OR2C1: variants seen among roughly 807,000 people sequenced by gnomAD.
The protein encoded by OR2C1 is olfactory receptor family 2 subfamily C member 1.
For missense variants in OR2C1, 468 were observed against 388.3 expected (o/e 1.21, Z -1.73); for synonymous variants, 209 against 167.3 (o/e 1.25, Z -1.92).
chr16:3,348,911 C>T, the OR2C1 span, among the ~76,000 whole-genome samples: 1 of 151,940 alleles, frequency 6.6e-6, no homozygotes, highest in African/African-American at 2.4e-5. Flanking sequence ...TGGGACTCCC[C>T]CTCTCTGCCC....
the OR2C1 span, among the ~76,000 whole-genome samples, chr16:3,326,594 CA>C: frequency 9.4e-3 from 1,438 of 152,272 alleles, 32 homozygotes; most frequent in African/African-American, 0.033. Flanking sequence ...ATCCTGATTC[CA>C]TTTGGAGATC....
the OR2C1 span, among the ~76,000 whole-genome samples, chr16:3,347,434 G>A: frequency 1.1e-3 from 159 of 151,370 alleles, no homozygotes; most frequent in African/African-American, 3.7e-3. Context: ...GGTAATGCAG[G>A]TTTACTGTGA....
the OR2C1 span, among the ~76,000 whole-genome samples, chr16:3,328,061 A>G: frequency 2.0e-5 from 3 of 152,246 alleles, no homozygotes; most frequent in East Asian, 5.8e-4. Flanking sequence ...GCTTCCTTGT[A>G]ATGAGGAATT....
At chr16:3,334,140 T>A in the OR2C1 span, among the ~76,000 whole-genome samples, 106,616 of 141,684 alleles carry the variant, frequency 0.75, 38,510 homozygotes, top group South Asian at 0.82. Context: ...GCTTTGCTAA[T>A]TTTTTTTTTT....
chr16:3,333,955 C>T, the OR2C1 span, among the ~76,000 whole-genome samples: 1 of 151,758 alleles, frequency 6.6e-6, no homozygotes, highest in Non-Finnish European at 1.5e-5. Flanking sequence ...AAGAGATTGT[C>T]CTTTCCCCAT....
chr16:3,323,224 C>T, the OR2C1 span: 5 of 750,298 alleles, frequency 6.7e-6, no homozygotes, highest in African/African-American at 1.7e-5. Context: ...ATGCATTCAC[C>T]CCAATAGCCA....
At chr16:3,349,565 T>C in the OR2C1 span, among the ~76,000 whole-genome samples, 2 of 152,068 alleles carry the variant, frequency 1.3e-5, no homozygotes, top group African/African-American at 4.8e-5. Flanking sequence ...AGAGGATGGA[T>C]GTGGGGGAAT....
the OR2C1 span, among the ~76,000 whole-genome samples, chr16:3,342,439 C>T: frequency 7.2e-5 from 11 of 152,060 alleles, no homozygotes; most frequent in Non-Finnish European, 1.0e-4. Context: ...GCAAATGGGC[C>T]GGGTGCAATG....
At chr16:3,332,720 C>CATATATATATATATATATATATATAT in the OR2C1 span, among the ~76,000 whole-genome samples, 65 of 148,700 alleles carry the variant, frequency 4.4e-4, no homozygotes, top group African/African-American at 1.5e-3. Flanking sequence ...TATTCTATTG[C>CATATATATATATATATATATATATAT]ATATATATAT....
upstream of OR2C1, among the ~76,000 whole-genome samples, chr16:3,351,339 T>C (rs1402114093): frequency 6.6e-6 from 1 of 151,316 alleles, no homozygotes. Flanking sequence ...GCAATTCTCC[T>C]GCCTCAGCCT....
chr16:3,351,839 G>A (rs559823168), upstream of OR2C1, among the ~76,000 whole-genome samples: 4 of 148,686 alleles, frequency 2.7e-5, no homozygotes, highest in East Asian at 7.9e-4. Flanking sequence ...GTCTAAATTT[G>A]TGCTGTTGAA....
chr16:3,324,101 A>G, the OR2C1 span, among the ~76,000 whole-genome samples: 1 of 152,268 alleles, frequency 6.6e-6, no homozygotes, highest in African/African-American at 2.4e-5. Flanking sequence ...CAAAGACAAA[A>G]TTAAATATTT....
upstream of OR2C1, among the ~76,000 whole-genome samples, chr16:3,351,464 T>C (rs1240549142): frequency 6.6e-6 from 1 of 152,160 alleles, no homozygotes; most frequent in Non-Finnish European, 1.5e-5. Flanking sequence ...AAATTTGTTA[T>C]GGAGAATGGT....
chr16:3,356,264 G>A lies in OR2C1; in HGVS notation c.324G>A (p.Gly108=). ...ITQLYVFLWL[G]ATECILLVVM... is the part of the protein sequence containing the mutation. ...AGCTCTATGTCTTCCTTTGGCTGGG[G>A]GCCACCGAGTGCATCCTGCTGGTGG... The change falls in exon 1 of 1, where the codon GGG becomes GGA. Residue 108 remains glycine (G), a synonymous_variant. Transcript: ENST00000304936. The A allele has an allele frequency of 6.2e-7, 1 of 1,613,942 alleles. No homozygotes were observed. The highest frequency in any genetic ancestry group is 8.5e-7 in the Non-Finnish European group (1 of 1,180,030).
At chr16:3,325,456 TAA>T in the OR2C1 span, among the ~76,000 whole-genome samples, 51 of 68,774 alleles carry the variant, frequency 7.4e-4, no homozygotes, top group Admixed American at 4.1e-3. Flanking sequence ...GCATTATGTC[TAA>T]AAATATATAT....
At chr16:3,355,391 G>A (rs2030644919), upstream of OR2C1, among the ~76,000 whole-genome samples, 1 of 141,098 alleles carries the variant, frequency 7.1e-6, no homozygotes, top group Non-Finnish European at 1.5e-5. Context: ...CTGGGAGGCG[G>A]AAGTTGCAAT....
chr16:3,334,114 G>A, the OR2C1 span, among the ~76,000 whole-genome samples: 7 of 151,094 alleles, frequency 4.6e-5, no homozygotes, highest in African/African-American at 7.3e-5. Flanking sequence ...CTGGAACTAC[G>A]CGTGTGCCCC....
At chr16:3,336,708 C>CTTTTTTTTTTT in the OR2C1 span, among the ~76,000 whole-genome samples, 7 of 93,766 alleles carry the variant, frequency 7.5e-5, no homozygotes, top group Admixed American at 1.4e-4. Context: ...TTCTTTCTTT[C>CTTTTTTTTTTT]TTTCTTTTTT....
the OR2C1 span, chr16:3,323,613 T>C: frequency 1.4e-6 from 1 of 738,298 alleles, no homozygotes; most frequent in African/African-American, 1.7e-5. Flanking sequence ...GCAATGGCTG[T>C]CTGCACCAGT....
Sources: allele counts gnomAD v4.1 joint callset (sites outside exome capture counted in the v4.1 genomes callset), GRCh38; gene constraint gnomAD v4.1.1; transcripts MANE v1.5; gene names NCBI Gene and HGNC (gene_info 2026-07-23, HGNC 2026-07-21).